Variants in C4orf51 observed in about 807,000 individuals in gnomAD.
C4orf51 encodes the protein chromosome 4 open reading frame 51.
C4orf51 carries 25 observed loss-of-function variants against 25.2 expected under a neutral mutation model. The ratio of observed to expected loss-of-function variants is 0.99; its 90% confidence interval spans 0.72 to 1.39. C4orf51 has a LOEUF of 1.39. Among genes scored for constraint, C4orf51 ranks in the 40% most tolerant of loss-of-function variants. C4orf51 has a pLI of 0.00. For missense variants in C4orf51, 252 were observed against 239.6 expected, an observed-to-expected ratio of 1.05 and a Z score of -0.34; for synonymous variants, 100 against 84.5, an observed-to-expected ratio of 1.18 and a Z score of -1.01.
chr4:145,692,973 TTTTTTTG>T (rs1461800587), intron 1 of C4orf51, among the ~76,000 whole-genome samples: 1 of 118,870 alleles, frequency 8.4e-6, no homozygotes, highest in Non-Finnish European at 1.8e-5. Flanking sequence ...TTTTTTTTTT[TTTTTTTG>T]TAAGTCCCAT....
intron 3 of C4orf51, among the ~76,000 whole-genome samples, chr4:145,727,573 A>G (rs1366701479): frequency 6.6e-5 from 10 of 151,990 alleles, no homozygotes; most frequent in Non-Finnish European, 8.8e-5. Context: ...TGACTCCATT[A>G]CAATTTTAAA....
At chr4:145,775,597 C>G (rs1462345809), downstream of C4orf51, among the ~76,000 whole-genome samples, 1 of 152,102 alleles carries the variant, frequency 6.6e-6, no homozygotes, top group East Asian at 1.9e-4. Context: ...TTAATACCAC[C>G]AGGGGCACCC....
chr4:145,744,089 C>T (rs1489062173), intron 1 of C4orf51, among the ~76,000 whole-genome samples: 1 of 152,010 alleles, frequency 6.6e-6, no homozygotes, highest in Admixed American at 6.6e-5. Context: ...TATTTATTTC[C>T]ATTCCTTATC....
intron 1 of C4orf51, among the ~76,000 whole-genome samples, chr4:145,748,841 A>G (rs1368845991): frequency 2.6e-5 from 4 of 152,026 alleles, no homozygotes; most frequent in Admixed American, 6.6e-5. Flanking sequence ...TGTGTTTTCT[A>G]TAGCCATTGG....
chr4:145,728,231 C>A (rs1233557237), intron 3 of C4orf51, among the ~76,000 whole-genome samples: 1 of 151,416 alleles, frequency 6.6e-6, no homozygotes, highest in Non-Finnish European at 1.5e-5. Context: ...TACAAATGGC[C>A]AAACTGCCTT....
intron 1 of C4orf51, among the ~76,000 whole-genome samples, chr4:145,748,204 C>A (rs1733480185): frequency 6.6e-6 from 1 of 151,880 alleles, no homozygotes; most frequent in Non-Finnish European, 1.5e-5. Context: ...AACTAATGAG[C>A]CTTTGAATTT....
rs777008888 is a variant in C4orf51, at chr4:145,732,508, C to G, written c.557C>G (p.Ala186Gly). The stretch of plus-strand genomic sequence containing the variant: ...GTTTGCTCATCTGAGGATTCAGAAG[C>G]TGATCGATACTCCGATTATGGCTGG... ...SKVCSSEDSE[A>G]DRYSDYGWGG... Residue 186 changes from alanine (A) to glycine (G), a missense_variant, in exon 6 of 6, where the codon GCT becomes GGT. Physicochemically the swap from Ala to Gly is moderately conservative, Grantham distance 60 (BLOSUM62 0). Transcript: ENST00000438731. 8 of 1,611,396 alleles carry G rather than the reference C, an allele frequency of 5.0e-6. No homozygotes were observed. The highest frequency in any genetic ancestry group is 6.8e-6 in the Non-Finnish European group (8 of 1,179,028).
chr4:145,683,730 T>C (rs1728972615), intron 1 of C4orf51, among the ~76,000 whole-genome samples: 1 of 152,184 alleles, frequency 6.6e-6, no homozygotes, highest in Non-Finnish European at 1.5e-5. Context: ...CCTTATACCA[T>C]TCACAAAAAT....
chr4:145,747,335 CA>C (rs1733423599), intron 1 of C4orf51, among the ~76,000 whole-genome samples: 1 of 150,458 alleles, frequency 6.6e-6, no homozygotes, highest in African/African-American at 2.4e-5. Context: ...GTGGATCTGT[CA>C]TATATGGCTC....
intron 2 of C4orf51, among the ~76,000 whole-genome samples, chr4:145,701,176 A>G (rs192750110): frequency 8.1e-4 from 122 of 150,276 alleles, no homozygotes; most frequent in African/African-American, 2.8e-3. Context: ...TCCAAAAATT[A>G]GAATCTGGCC....
chr4:145,680,973 T>C (rs1467412851), intron 1 of C4orf51, among the ~76,000 whole-genome samples: 1 of 152,114 alleles, frequency 6.6e-6, no homozygotes, highest in Non-Finnish European at 1.5e-5. Context: ...TAAGGAGATT[T>C]TGTGGGTGTC....
downstream of C4orf51, among the ~76,000 whole-genome samples, chr4:145,733,326 C>G (rs1229951271): frequency 1.3e-5 from 2 of 152,210 alleles, no homozygotes. Flanking sequence ...GCTGATTCCC[C>G]CCCACCACCG....
At chr4:145,693,620 C>T (rs1198510618) in intron 1 of C4orf51, among the ~76,000 whole-genome samples, 1,449 of 138,818 alleles carry the variant, frequency 0.01, 14 homozygotes, top group African/African-American at 0.037. Flanking sequence ...CGGGCAGAGG[C>T]GCCCCTCACC....
chr4:145,701,867 C>T (rs1228421760), intron 2 of C4orf51, among the ~76,000 whole-genome samples: 3 of 152,004 alleles, frequency 2.0e-5, no homozygotes, highest in Non-Finnish European at 4.4e-5. Context: ...ATATTTTAAC[C>T]AAATTATCTG....
At chr4:145,690,126 GA>G (rs1729443720) in intron 1 of C4orf51, among the ~76,000 whole-genome samples, 1 of 151,556 alleles carries the variant, frequency 6.6e-6, no homozygotes, top group African/African-American at 2.4e-5. Context: ...AGAATCACTT[GA>G]ACCCGGGAGG....
At chr4:145,738,817 T>C (rs531895709) in intron 1 of C4orf51, among the ~76,000 whole-genome samples, 2 of 152,112 alleles carry the variant, frequency 1.3e-5, no homozygotes, top group South Asian at 4.2e-4. Flanking sequence ...TTTTTTGTAT[T>C]TTTGGTAGAG....
intron 2 of C4orf51, among the ~76,000 whole-genome samples, chr4:145,696,936 A>T (rs751677421): frequency 6.6e-6 from 1 of 151,800 alleles, no homozygotes; most frequent in Non-Finnish European, 1.5e-5. Flanking sequence ...ACTTGGAAGG[A>T]TGAGGCAGGA....
downstream of C4orf51, chr4:145,775,976 C>A: frequency 1.2e-6 from 2 of 1,613,926 alleles, no homozygotes; most frequent in Non-Finnish European, 1.7e-6. Context: ...GGAGAAGGAA[C>A]AGGAAAAAGC....
At chr4:145,721,360 AAAG>A (rs1388195958) in intron 2 of C4orf51, among the ~76,000 whole-genome samples, 1 of 151,642 alleles carries the variant, frequency 6.6e-6, no homozygotes, top group Admixed American at 6.6e-5. Flanking sequence ...AAAAAAAAAA[AAAG>A]ATCACACTGG....
Sources: gnomAD v4.1 joint callset for allele counts (sites outside exome capture counted in the v4.1 genomes callset) on GRCh38, gnomAD v4.1.1 for gene constraint, MANE v1.5 for transcripts, NCBI Gene and HGNC (gene_info 2026-07-23, HGNC 2026-07-21) for gene names.